DUSP26: variants seen among roughly 807,000 people sequenced by gnomAD.
DUSP26 encodes dual specificity protein phosphatase 26.
Under a neutral mutation model 20.0 loss-of-function variants are expected in DUSP26, and 12 were observed. That is an observed-to-expected ratio of 0.60 (90% confidence interval 0.38 to 0.97). The LOEUF (loss-of-function observed/expected upper bound fraction) is 0.97, where lower values mean the gene tolerates loss of function less well. Among genes scored for constraint, DUSP26 ranks in the 50% least tolerant of loss-of-function variants. The probability of loss-of-function intolerance (pLI) is 0.00; values close to 1 mark genes in which losing one functional copy is unlikely to be tolerated. For synonymous variants in DUSP26, 120 were observed against 118.8 expected (o/e 1.01, Z -0.06); for missense variants, 230 against 294.0 (o/e 0.78, Z 1.59).
chr8:33,597,919 G>C (rs962510013), intron 1 of DUSP26: 1 of 78,814 alleles, frequency 1.3e-5, no homozygotes, highest in Non-Finnish European at 2.5e-5. Context: ...ACGGCACTTG[G>C]GTGGTTGTCC....
chr8:33,594,367 C>T (rs374971380), intron 2 of DUSP26, among the ~76,000 whole-genome samples: 3 of 151,702 alleles, frequency 2.0e-5, no homozygotes, highest in South Asian at 2.1e-4. Flanking sequence ...CCGAGGCGGG[C>T]GGATCACGAG....
intron 2 of DUSP26, among the ~76,000 whole-genome samples, chr8:33,595,192 G>T (rs1006967311): frequency 6.6e-6 from 1 of 152,132 alleles, no homozygotes; most frequent in Non-Finnish European, 1.5e-5. Flanking sequence ...ATGTCAGGCA[G>T]ATTGTTCTGC....
intron 1 of DUSP26, among the ~76,000 whole-genome samples, chr8:33,598,774 C>T (rs1393991672): frequency 6.6e-6 from 1 of 152,122 alleles, no homozygotes; most frequent in African/African-American, 2.4e-5. Flanking sequence ...TCCCCATCCT[C>T]TCACACCTGT....
Position 33,591,912 on chromosome 8 carries a change from G to T in DUSP26, c.*101C>A. ...CCTCTCCTGACCCCAGGGGAGGATG[G>T]GTGATCTGGGCCTCCTGCTACCTGC... On this transcript the variant is annotated 3_prime_UTR_variant, in exon 4 of 4. Coordinates refer to ENST00000256261, the MANE Select transcript of DUSP26 (RefSeq NM_024025.3). 7.3e-7 allele frequency: 1 copy of T among 1,373,624 alleles called. No individual in the cohort carries two copies. The highest frequency in any genetic ancestry group is 1.0e-6 in the Non-Finnish European group (1 of 998,124). 85.1% of individuals were successfully genotyped at this position (1,373,624 alleles called of 1,614,324 possible).
intron 1 of DUSP26, among the ~76,000 whole-genome samples, chr8:33,598,316 T>G (rs532558047): frequency 6.6e-6 from 1 of 152,118 alleles, no homozygotes; most frequent in East Asian, 1.9e-4. Context: ...CCTCCTTGGA[T>G]CAGCATTAGG....
chr8:33,597,660 G>T, intron 1 of DUSP26, 69 bp from the exon 2 acceptor site: 1 of 663,298 alleles, frequency 1.5e-6, no homozygotes, highest in Non-Finnish European at 2.5e-6. Flanking sequence ...CCCTGGGCTG[G>T]TCCTTCGGGA....
At chr8:33,592,270 T>C in intron 3 of DUSP26, 58 bp from the exon 4 acceptor site, 1 of 1,486,356 alleles carries the variant, frequency 6.7e-7, no homozygotes, top group Non-Finnish European at 9.0e-7. Flanking sequence ...TGGAGGAGGC[T>C]GGGGAAAGGG....
chr8:33,597,333 A>T lies in DUSP26; in HGVS notation c.183T>A (p.His61Gln). ...AGAGGCCTGGCCAGACCTCGTCGGCATGGTTACAGGCTGTCTTGCCTGTGT... is the reference window on the plus strand; with the variant it reads ...AGAGGCCTGGCCAGACCTCGTCGGCTTGGTTACAGGCTGTCTTGCCTGTGT... Reference protein sequence around the residue: ...LLYTGKTACNHADEVWPGLYL... With the variant: ...LLYTGKTACNQADEVWPGLYL... The change falls in exon 2 of 4, where the codon CAT (histidine) becomes CAA (glutamine). Residue 61 changes from histidine to glutamine, a missense_variant. Physicochemically the swap from His to Gln is conservative, Grantham distance 24. Transcript: ENST00000256261. 6.2e-7 allele frequency: 1 copy of T among 1,613,742 alleles called. No homozygotes were observed. Among genetic ancestry groups the T allele is most frequent in the Non-Finnish European group, 8.5e-7 (1 of 1,179,978 alleles).
Position 33,591,768 on chromosome 8 carries a change from C to G in DUSP26, c.*245G>C, listed in dbSNP as rs913127905. The G allele has an allele frequency of 5.6e-6, 3 of 535,684 alleles. No individual in the cohort carries two copies. In the East Asian group the frequency reaches 1.0e-4, roughly 18 times the overall value. 33.2% of individuals were successfully genotyped at this position (535,684 alleles called of 1,614,324 possible). ...GGTGTTCGAATCCCAGGACCATCTTCCATCTACAGCCTAGCTGCCTCCTTC... is the reference window on the plus strand; with the variant it reads ...GGTGTTCGAATCCCAGGACCATCTTGCATCTACAGCCTAGCTGCCTCCTTC... On this transcript the variant is annotated 3_prime_UTR_variant, in exon 4 of 4. Coordinates refer to ENST00000256261, the MANE Select transcript of DUSP26 (RefSeq NM_024025.3).
In DUSP26 at chr8:33,597,491, C is replaced by A. The variant is rs149681773; in HGVS notation, c.25G>T (p.Ala9Ser). MCPGNWLW[A>S]SMTFMARFSR... ...AAGCGGGCCATAAAAGTCATAGAAG[C>A]CCAAAGCCAGTTACCAGGGCACATC... Residue 9 changes from alanine to serine, a missense_variant, in exon 2 of 4, where the codon GCT becomes TCT. Transcript: ENST00000256261. 264 of 1,613,010 alleles carry A rather than the reference C, an allele frequency of 1.6e-4. No individual in the cohort carries two copies. The highest frequency in any genetic ancestry group is 2.1e-4 in the Non-Finnish European group (253 of 1,179,612).
intron 2 of DUSP26, among the ~76,000 whole-genome samples, chr8:33,596,407 G>A (rs983333892): frequency 3.9e-5 from 6 of 152,026 alleles, no homozygotes; most frequent in Non-Finnish European, 8.8e-5. Flanking sequence ...GTGAAACCCC[G>A]TCTCTACTAA....
In DUSP26 at chr8:33,593,549, C is replaced by A. The variant is rs766538306; in HGVS notation, c.420G>T (p.Ala140=). Residue 140 remains alanine, a synonymous_variant, in exon 3 of 4, where the codon GCG becomes GCT. Coordinates refer to ENST00000256261, the MANE Select transcript of DUSP26 (RefSeq NM_024025.3). The part of the protein sequence containing the change: ...FQTAADFIHR[A]LSQPGGKILV... ...CCCTCCTACCTCCTGGCTGGCTCAG[C>A]GCCCGGTGGATGAAGTCGGCAGCCG... The A allele has an allele frequency of 1.2e-6, 2 of 1,613,606 alleles. No individual in the cohort carries two copies. Among genetic ancestry groups the A allele is most frequent in the Non-Finnish European group, 1.7e-6 (2 of 1,179,630 alleles).
Position 33,592,211 on chromosome 8 carries a change from C to G in DUSP26, c.438G>C (p.Gly146=). Reference sequence around the variant, plus strand: ...CCACAGCACAATGCACCAGGATCTTCCCTGAGAGGAGAGACACAGAGAGAG... The same window carrying G: ...CCACAGCACAATGCACCAGGATCTTGCCTGAGAGGAGAGACACAGAGAGAG... ...FIHRALSQPG[G]KILVHCAVGV... The change falls in exon 4 of 4, where the codon GGG becomes GGC. Residue 146 remains glycine (G), a splice_region_variant and synonymous_variant. Transcript: ENST00000256261. 6.2e-7 allele frequency: 1 copy of G among 1,602,434 alleles called. No homozygotes were observed. The highest frequency in any genetic ancestry group is 8.5e-7 in the Non-Finnish European group (1 of 1,174,886).
chr8:33,593,512 C>A lies in DUSP26; in HGVS notation c.436+21G>T, dbSNP rs769986511. The A allele has an allele frequency of 6.2e-6, 10 of 1,606,704 alleles. No individual in the cohort carries two copies. In the Admixed American group the frequency reaches 8.3e-5, roughly 13 times the overall value. Reference sequence around the variant, plus strand: ...ATTCCAGGCACCCTGTTCTTTCCTGCTCCCAGCATTCCCCTCCTACCTCCT... The same window carrying A: ...ATTCCAGGCACCCTGTTCTTTCCTGATCCCAGCATTCCCCTCCTACCTCCT... On this transcript the variant is annotated intron_variant, in intron 3 of 3. Coordinates refer to ENST00000256261, the MANE Select transcript of DUSP26 (RefSeq NM_024025.3).
Position 33,599,842 on chromosome 8 carries a change from G to C in DUSP26, c.-254C>G, listed in dbSNP as rs1811231319. ...ACGTCGAAGCAGGGTTCAAATCAGC[G>C]TGTGCGCTGGTGACATAAAGGGACT... On this transcript the variant is annotated 5_prime_UTR_variant, in exon 1 of 4. Coordinates refer to ENST00000256261, the MANE Select transcript of DUSP26 (RefSeq NM_024025.3). 6.6e-6 allele frequency: 1 copy of C among 152,198 alleles called. No homozygotes were observed. The highest frequency in any genetic ancestry group is 1.5e-5 in the Non-Finnish European group (1 of 68,052). The allele number at this position is 152,198 out of a possible 1,614,324, so 9.4% of individuals were successfully genotyped here.
intron 2 of DUSP26, among the ~76,000 whole-genome samples, chr8:33,593,995 T>A (rs1811086062): frequency 6.6e-6 from 1 of 152,078 alleles, no homozygotes; most frequent in East Asian, 2.0e-4. Context: ...AATTTTTGTA[T>A]CTTTAGTAGA....
At chr8:33,592,803 T>C (rs1166236566) in intron 3 of DUSP26, among the ~76,000 whole-genome samples, 2 of 152,240 alleles carry the variant, frequency 1.3e-5, no homozygotes, top group East Asian at 1.9e-4. Context: ...AATGAGTCCA[T>C]TGAAAACACT....
intron 1 of DUSP26, among the ~76,000 whole-genome samples, chr8:33,598,935 C>T (rs1274711557): frequency 6.6e-6 from 1 of 152,188 alleles, no homozygotes. Context: ...ATCTCACACC[C>T]CTAGACAGGG....
At position 33,599,717 on chromosome 8, in the gene DUSP26, A is replaced by C. The variant is rs1370375743; in HGVS notation, c.-129T>G. 6.6e-6 allele frequency: 1 copy of C among 152,430 alleles called. No individual in the cohort carries two copies. Among genetic ancestry groups the C allele is most frequent in the South Asian group, 2.1e-4 (1 of 4,836 alleles). 9.4% of individuals were successfully genotyped at this position (152,430 alleles called of 1,614,324 possible). On this transcript the variant is annotated 5_prime_UTR_variant, in exon 1 of 4. Coordinates refer to ENST00000256261, the MANE Select transcript of DUSP26 (RefSeq NM_024025.3). ...AGTCCGAAAGGCGGATCGCCGGCGC[A>C]GACAGCGCCACGGCCATGACGCTCC...
Sources: gnomAD v4.1 joint callset for allele counts (sites outside exome capture counted in the v4.1 genomes callset) on GRCh38, gnomAD v4.1.1 for gene constraint, MANE v1.5 for transcripts, NCBI Gene and HGNC (gene_info 2026-07-23, HGNC 2026-07-21) for gene names.